CNTLN: variants seen among roughly 807,000 people sequenced by gnomAD.
The protein encoded by CNTLN is centlein, centrosomal protein.
A neutral mutation model predicts 180.0 loss-of-function variants in CNTLN; 212 were observed. The ratio of observed to expected loss-of-function variants is 1.18; its 90% CI spans 1.05 to 1.32. CNTLN has a LOEUF of 1.32. CNTLN is among the 40% of genes most tolerant of loss of function. CNTLN has a pLI of 0.00. For missense variants in CNTLN, 2,095 were observed against 1,610.9 expected (o/e 1.30, Z -5.14); for synonymous variants, 722 against 563.1 (o/e 1.28, Z -3.99).
chr9:17,394,905 A>G lies in CNTLN; in HGVS notation c.2451A>G (p.Gly817=). The G allele has an allele frequency of 6.2e-7, 1 of 1,614,112 alleles. No individual in the cohort carries two copies. The highest frequency in any genetic ancestry group is 8.5e-7 in the Non-Finnish European group (1 of 1,179,982). ...TGGCCACCATGAAAGTGAGATCTGG[A>G]CGATATGATTGTAAGACAACTATGA... is the stretch of plus-strand genomic sequence containing the variant. The part of the protein sequence containing the change: ...SEMATMKVRS[G]RYDCKTTMTK... The change falls in exon 15 of 26, where the codon GGA becomes GGG. Residue 817 remains glycine, a synonymous_variant. Transcript: ENST00000380647.
chr9:17,486,545 G>A (rs955052610), intron 24 of CNTLN, among the ~76,000 whole-genome samples: 6 of 152,008 alleles, frequency 3.9e-5, no homozygotes, highest in African/African-American at 1.2e-4. Flanking sequence ...TAAATATACC[G>A]GAGTCATGCC....
the CNTLN span, among the ~76,000 whole-genome samples, chr9:17,524,906 C>G: frequency 2.6e-5 from 4 of 152,148 alleles, no homozygotes; most frequent in African/African-American, 7.2e-5. Flanking sequence ...TCCACTTGTC[C>G]TGTTGTTGCT....
At chr9:17,462,315 C>A (rs1831502983) in intron 19 of CNTLN, among the ~76,000 whole-genome samples, 1 of 151,692 alleles carries the variant, frequency 6.6e-6, no homozygotes, top group African/African-American at 2.4e-5. Flanking sequence ...CCTTGGTACA[C>A]TTCCACATGA....
At chr9:17,362,425 A>G (rs1375144428) in intron 12 of CNTLN, among the ~76,000 whole-genome samples, 2 of 152,200 alleles carry the variant, frequency 1.3e-5, no homozygotes, top group African/African-American at 4.8e-5. Context: ...ATGGGATCCC[A>G]GTTTTTAAAA....
At chr9:17,254,307 A>G (rs1328064734) in intron 5 of CNTLN, among the ~76,000 whole-genome samples, 5 of 151,668 alleles carry the variant, frequency 3.3e-5, no homozygotes, top group East Asian at 1.9e-4. Context: ...TGCTTTTGGC[A>G]TAGTCCCAAT....
At chr9:17,201,799 A>ATT (rs976094652) in intron 2 of CNTLN, among the ~76,000 whole-genome samples, 1 of 150,634 alleles carries the variant, frequency 6.6e-6, no homozygotes, top group African/African-American at 2.4e-5. Flanking sequence ...GGATTCATTG[A>ATT]TTTTTTTTTA....
chr9:17,290,376 C>G (rs1471554741), intron 6 of CNTLN, among the ~76,000 whole-genome samples: 1 of 149,566 alleles, frequency 6.7e-6, no homozygotes, highest in Non-Finnish European at 1.5e-5. Context: ...TCTCAGATCT[C>G]CAGCTGCGTG....
At chr9:17,159,368 A>G (rs1819518357) in intron 2 of CNTLN, among the ~76,000 whole-genome samples, 1 of 152,134 alleles carries the variant, frequency 6.6e-6, no homozygotes, top group African/African-American at 2.4e-5. Context: ...GATGTGAACA[A>G]TATTATGCTT....
intron 6 of CNTLN, among the ~76,000 whole-genome samples, chr9:17,294,668 G>T (rs895858753): frequency 1.3e-5 from 2 of 148,384 alleles, no homozygotes; most frequent in African/African-American, 5.0e-5. Flanking sequence ...TGCCAGTCCC[G>T]TGCCCTCCAC....
At chr9:17,290,840 T>A (rs1587518295) in intron 6 of CNTLN, among the ~76,000 whole-genome samples, 1 of 152,186 alleles carries the variant, frequency 6.6e-6, no homozygotes, top group African/African-American at 2.4e-5. Flanking sequence ...GCTTCCCAGG[T>A]GAGGCAATGC....
chr9:17,143,075 T>C (rs967162673), intron 1 of CNTLN, among the ~76,000 whole-genome samples: 1 of 152,190 alleles, frequency 6.6e-6, no homozygotes, highest in Non-Finnish European at 1.5e-5. Flanking sequence ...CATCCCAAAA[T>C]ATAGGTGATA....
chr9:17,273,940 A>G lies in CNTLN; in HGVS notation c.983+74A>G. 3.7e-6 allele frequency: 4 copies of G among 1,075,018 alleles called. No individual in the cohort carries two copies. In the South Asian group the frequency reaches 4.9e-5, roughly 13 times the overall value. The allele number at this position is 1,075,018 out of a possible 1,614,324, so 66.6% of individuals were successfully genotyped here. The stretch of plus-strand genomic sequence containing the variant: ...ATTCAGAATGATACCATTTATACTT[A>G]TTACTAACACCCTAAAATAATAACT... On this transcript the variant is annotated intron_variant, in intron 6 of 25. Transcript: ENST00000380647.
intron 8 of CNTLN, among the ~76,000 whole-genome samples, chr9:17,326,693 G>A (rs1820315400): frequency 6.6e-6 from 1 of 152,116 alleles, no homozygotes; most frequent in Non-Finnish European, 1.5e-5. Flanking sequence ...CATAAATCAT[G>A]TTGATAGCAT....
intron 4 of CNTLN, 94 bp from the exon 5 acceptor site, chr9:17,236,315 G>T: frequency 9.3e-7 from 1 of 1,069,926 alleles, no homozygotes; most frequent in East Asian, 2.6e-5. Flanking sequence ...GGGTAAAACT[G>T]CACAGTTTGT....
chr9:17,493,304 C>T (rs1015970431), intron 25 of CNTLN, among the ~76,000 whole-genome samples: 1 of 152,012 alleles, frequency 6.6e-6, no homozygotes, highest in Non-Finnish European at 1.5e-5. Flanking sequence ...TGTGGGGACA[C>T]AGGTAATATT....
intron 8 of CNTLN, among the ~76,000 whole-genome samples, chr9:17,313,560 C>G (rs1271022062): frequency 6.6e-6 from 1 of 151,948 alleles, no homozygotes; most frequent in Non-Finnish European, 1.5e-5. Context: ...AAGATTTTAA[C>G]TTTTGACTCT....
At chr9:17,497,797 G>C (rs1410764833) in intron 25 of CNTLN, among the ~76,000 whole-genome samples, 3 of 152,102 alleles carry the variant, frequency 2.0e-5, no homozygotes, top group South Asian at 2.1e-4. Context: ...CTTTCTGATA[G>C]CATTCTTGAT....
At chr9:17,249,345 G>T (rs368777961) in intron 5 of CNTLN, among the ~76,000 whole-genome samples, 32 of 124,908 alleles carry the variant, frequency 2.6e-4, no homozygotes, top group South Asian at 2.1e-3. Context: ...TTCTTTGATT[G>T]TTTTTTTTGT....
chr9:17,268,395 A>G (rs1207653805), intron 5 of CNTLN, among the ~76,000 whole-genome samples: 2 of 152,028 alleles, frequency 1.3e-5, no homozygotes, highest in African/African-American at 4.8e-5. Context: ...GTTCCTCTGG[A>G]AGTTTTGTCT....
Sources: gnomAD v4.1 joint callset for allele counts (sites outside exome capture counted in the v4.1 genomes callset) on GRCh38, gnomAD v4.1.1 for gene constraint, MANE v1.5 for transcripts, NCBI Gene and HGNC (gene_info 2026-07-23, HGNC 2026-07-21) for gene names.